Variants in MYRIP observed in about 807,000 individuals in gnomAD.
MYRIP encodes the protein myosin VIIA and Rab interacting protein.
A neutral mutation model predicts 98.0 loss-of-function variants in MYRIP; 49 were observed. The ratio of observed to expected loss-of-function variants is 0.50; its 90% CI spans 0.40 to 0.63. MYRIP has a LOEUF of 0.63. MYRIP is among the 30% of genes least tolerant of loss of function. The pLI, the probability that MYRIP is intolerant of heterozygous loss-of-function variation, is 0.00. For missense variants in MYRIP, 1,004 were observed against 1,058.2 expected (o/e 0.95, Z 0.71); for synonymous variants, 404 against 409.5 (o/e 0.99, Z 0.16).
At chr3:39,988,989 AC>A (rs1946105289) in intron 2 of MYRIP, among the ~76,000 whole-genome samples, 1 of 149,296 alleles carries the variant, frequency 6.7e-6, no homozygotes, top group African/African-American at 2.5e-5. Flanking sequence ...GTTTGTTATT[AC>A]CCCCCTTCTG....
intron 3 of MYRIP, among the ~76,000 whole-genome samples, chr3:40,102,698 G>T (rs564825988): frequency 6.6e-6 from 1 of 151,992 alleles, no homozygotes; most frequent in Non-Finnish European, 1.5e-5. Flanking sequence ...TAGCAGCCGG[G>T]AGTGTCACCT....
intron 1 of MYRIP, among the ~76,000 whole-genome samples, chr3:39,885,780 T>G (rs1575343750): frequency 6.6e-6 from 1 of 152,154 alleles, no homozygotes; most frequent in East Asian, 1.9e-4. Context: ...ATCTTCCAGT[T>G]GATCGCATTG....
chr3:40,159,465 T>G (rs1373349548), intron 4 of MYRIP, among the ~76,000 whole-genome samples: 1 of 152,092 alleles, frequency 6.6e-6, no homozygotes, highest in African/African-American at 2.4e-5. Flanking sequence ...ATCTGACAAT[T>G]ATGTGTCTTG....
intron 7 of MYRIP, 141 bp downstream of exon 7, chr3:40,167,380 TG>T (rs965090016): frequency 3.3e-5 from 25 of 756,056 alleles, no homozygotes; most frequent in African/African-American, 5.2e-5. Context: ...TTTTGTGCCC[TG>T]GGGACCCATG....
chr3:39,829,601 C>T (rs138949239), intron 1 of MYRIP, among the ~76,000 whole-genome samples: 4 of 152,184 alleles, frequency 2.6e-5, no homozygotes, highest in Non-Finnish European at 5.9e-5. Context: ...CTAAGGAGAG[C>T]TTGCATGCAC....
chr3:40,159,677 G>A (rs1446532862), intron 4 of MYRIP, among the ~76,000 whole-genome samples: 1 of 152,044 alleles, frequency 6.6e-6, no homozygotes, highest in Non-Finnish European at 1.5e-5. Context: ...CATATTTCTT[G>A]GAGGCTTTGC....
intron 3 of MYRIP, among the ~76,000 whole-genome samples, chr3:40,142,047 ATTT>A (rs768094065): frequency 1.0e-5 from 1 of 95,968 alleles, no homozygotes; most frequent in African/African-American, 4.2e-5. Flanking sequence ...TATGCTGTTG[ATTT>A]TTTTTTTTTT....
At chr3:40,053,634 A>G (rs970255443) in intron 3 of MYRIP, among the ~76,000 whole-genome samples, 1 of 152,060 alleles carries the variant, frequency 6.6e-6, no homozygotes, top group African/African-American at 2.4e-5. Context: ...TGGAATGATT[A>G]TGTGGTTGTC....
chr3:40,252,336 A>G (rs1953402852), intron 16 of MYRIP, among the ~76,000 whole-genome samples: 2 of 152,198 alleles, frequency 1.3e-5, no homozygotes, highest in Non-Finnish European at 2.9e-5. Context: ...GACATACCAA[A>G]ATGTAGCTTA....
intron 1 of MYRIP, among the ~76,000 whole-genome samples, chr3:39,889,059 G>A (rs1943402854): frequency 2.0e-5 from 3 of 151,962 alleles, no homozygotes; most frequent in African/African-American, 7.2e-5. Context: ...GGAGAAATAG[G>A]AACACTTTTA....
chr3:39,843,406 T>C (rs919298006), intron 1 of MYRIP, among the ~76,000 whole-genome samples: 21 of 152,210 alleles, frequency 1.4e-4, no homozygotes, highest in African/African-American at 4.3e-4. Context: ...AAGAAACTTA[T>C]TTATTGCATT....
chr3:39,827,181 T>C (rs868796336), intron 1 of MYRIP, among the ~76,000 whole-genome samples: 1 of 152,198 alleles, frequency 6.6e-6, no homozygotes. Context: ...GGCATGACCA[T>C]AGCTCACTCC....
chr3:40,190,364 G>A lies in MYRIP; in HGVS notation c.1566G>A (p.Arg522=). 6.2e-7 allele frequency: 1 copy of A among 1,613,872 alleles called. No homozygotes were observed. The highest frequency in any genetic ancestry group is 8.5e-7 in the Non-Finnish European group (1 of 1,179,894). Residue 522 remains arginine, a synonymous_variant, in exon 10 of 17, where the codon CGG becomes CGA. Transcript: ENST00000302541. ...AGGAGGCCCCCCACACCACAGACCG[G>A]CGGGCCAGGAGGTGGAGAAGAGCCC... ...EPEEAPHTTD[R]RARRWRRARL...
chr3:40,090,012 A>G (rs1479776001), intron 3 of MYRIP, among the ~76,000 whole-genome samples: 2 of 151,658 alleles, frequency 1.3e-5, no homozygotes, highest in East Asian at 3.9e-4. Flanking sequence ...ACCTTGGGAA[A>G]GTCTCTCTTA....
chr3:40,226,026 C>T (rs1035106277), intron 11 of MYRIP, among the ~76,000 whole-genome samples: 5 of 152,094 alleles, frequency 3.3e-5, no homozygotes, highest in African/African-American at 1.2e-4. Context: ...ACTGGAGGGC[C>T]CCATACTGTC....
chr3:40,079,875 A>C (rs1948436599), intron 3 of MYRIP, among the ~76,000 whole-genome samples: 1 of 152,246 alleles, frequency 6.6e-6, no homozygotes, highest in South Asian at 2.1e-4. Context: ...CTTTTAAAAA[A>C]TTAATTCTAA....
chr3:39,969,989 A>G (rs1446700839), intron 2 of MYRIP: 14 of 151,998 alleles, frequency 9.2e-5, no homozygotes, highest in African/African-American at 2.4e-4. Flanking sequence ...TACTGATCCA[A>G]TTTTGGAGCT....
intron 8 of MYRIP, among the ~76,000 whole-genome samples, chr3:40,181,105 AC>A (rs1214800580): frequency 6.7e-6 from 1 of 148,818 alleles, no homozygotes; most frequent in Non-Finnish European, 1.5e-5. Context: ...ATTCTCTCAT[AC>A]CTTTTTTTTT....
rs573075765 is a variant in MYRIP at position 39,842,955 on chromosome 3, C to T, written c.-31+33039C>T. ...AATTCTTGTGTGTTGAATTCTGCAA[C>T]GCACCTTTAATTATTTTTGAAGTTG... On this transcript the variant is annotated intron_variant, in intron 1 of 16. Coordinates refer to ENST00000302541, the MANE Select transcript of MYRIP (RefSeq NM_015460.4). Among the ~76,000 whole-genome samples, 9 of 152,312 alleles carry T rather than the reference C, an allele frequency of 5.9e-5. 1 individual carries two copies. In the Middle Eastern group the frequency reaches 0.01, roughly 173 times the overall value.
Sources: gnomAD v4.1 joint callset for allele counts (sites outside exome capture counted in the v4.1 genomes callset) on GRCh38, gnomAD v4.1.1 for gene constraint, MANE v1.5 for transcripts, NCBI Gene and HGNC (gene_info 2026-07-23, HGNC 2026-07-21) for gene names.